The following CDH9 variants were observed in gnomAD, a reference collection of about 807,000 sequenced individuals.
CDH9 encodes the protein cadherin-9.
A neutral mutation model predicts 70.9 loss-of-function variants in CDH9; 28 were observed. The observed-to-expected ratio is 0.40, with a 90% confidence interval of 0.29 to 0.54. The LOEUF is 0.54. Ranked by LOEUF, CDH9 falls within the 20% of genes least tolerant of loss-of-function variation. The pLI, the probability that CDH9 is intolerant of heterozygous loss-of-function variation, is 0.59. For synonymous variants in CDH9, 409 were observed against 343.1 expected, an observed-to-expected ratio of 1.19 and a Z score of -2.12; for missense variants, 874 against 984.4, an observed-to-expected ratio of 0.89 and a Z score of 1.50.
chr5:27,006,727 A>G (rs1011886218), intron 1 of CDH9, among the ~76,000 whole-genome samples: 2 of 152,182 alleles, frequency 1.3e-5, no homozygotes, highest in Admixed American at 1.3e-4. Flanking sequence ...ATACCTTGAC[A>G]GAATTAGGGA....
At chr5:26,966,218 G>A (rs192212099) in intron 2 of CDH9, among the ~76,000 whole-genome samples, 27 of 152,270 alleles carry the variant, frequency 1.8e-4, no homozygotes, top group African/African-American at 6.5e-4. Context: ...GGGCAGCTCT[G>A]TAAAGCAATT....
chr5:26,886,183 C>T (rs1022264093), intron 9 of CDH9, 100 bp from the exon 10 acceptor site: 14 of 1,306,730 alleles, frequency 1.1e-5, no homozygotes, highest in Middle Eastern at 2.3e-4. Context: ...AAATACATCA[C>T]GAAAACAAAG....
Position 26,885,985 on chromosome 5 carries a change from G to T in CDH9, c.1611C>A (p.Phe537Leu). The change falls in exon 10 of 12, where the codon TTC becomes TTA. Residue 537 changes from phenylalanine to leucine, a missense_variant. Coordinates refer to ENST00000231021, the MANE Select transcript of CDH9 (RefSeq NM_016279.4). ...TTATACCTTTATTATCTACAATGGT[G>T]AAATTCGGATTGAGAGTAAATTCTG... ...PVPEFTLNPN[F>L]TIVDNKDNTA... 1 of 1,610,304 alleles carries T rather than the reference G, an allele frequency of 6.2e-7. No homozygotes were observed. Among genetic ancestry groups the T allele is most frequent in the Non-Finnish European group, 8.5e-7 (1 of 1,178,584 alleles).
intron 2 of CDH9, among the ~76,000 whole-genome samples, chr5:26,956,621 T>C (rs1451152166): frequency 1.3e-5 from 2 of 152,134 alleles, no homozygotes; most frequent in Non-Finnish European, 2.9e-5. Flanking sequence ...CTCTGGTGTG[T>C]CTGTATTAGC....
chr5:26,934,952 C>A (rs1741533478), intron 2 of CDH9, among the ~76,000 whole-genome samples: 1 of 150,648 alleles, frequency 6.6e-6, no homozygotes, highest in South Asian at 2.1e-4. Context: ...AAAACACAGA[C>A]CAGTGTCTCT....
At chr5:26,956,629 A>G (rs1741951118) in intron 2 of CDH9, among the ~76,000 whole-genome samples, 1 of 152,118 alleles carries the variant, frequency 6.6e-6, no homozygotes, top group South Asian at 2.1e-4. Flanking sequence ...TGTCTGTATT[A>G]GCCCCCTGCC....
intron 2 of CDH9, among the ~76,000 whole-genome samples, chr5:26,963,849 A>T (rs1407842044): frequency 1.3e-5 from 2 of 152,130 alleles, no homozygotes; most frequent in East Asian, 3.9e-4. Context: ...CTTTAATTGG[A>T]ATGTATAGGT....
At chr5:27,021,653 A>T (rs535519643) in intron 1 of CDH9, among the ~76,000 whole-genome samples, 1 of 151,856 alleles carries the variant, frequency 6.6e-6, no homozygotes, top group African/African-American at 2.4e-5. Context: ...TGGCAAAGAG[A>T]TCCTGTATGC....
chr5:26,907,403 C>T (rs1217507261), intron 3 of CDH9, among the ~76,000 whole-genome samples: 1 of 152,054 alleles, frequency 6.6e-6, no homozygotes, highest in African/African-American at 2.4e-5. Flanking sequence ...CTATGCCTCT[C>T]TTTTAAATAT....
At chr5:26,988,436 A>G (rs1340392125) in intron 1 of CDH9, 54 bp from the exon 2 acceptor site, 1 of 1,432,168 alleles carries the variant, frequency 7.0e-7, no homozygotes, top group Admixed American at 2.3e-5. Flanking sequence ...TCACTTTCCC[A>G]CAACGTGTAA....
chr5:27,030,905 T>G (rs1743300252), intron 1 of CDH9, among the ~76,000 whole-genome samples: 1 of 151,898 alleles, frequency 6.6e-6, no homozygotes. Context: ...TTTGAATTTT[T>G]TTAGTGTATA....
chr5:27,004,359 A>G (rs187809214), intron 1 of CDH9, among the ~76,000 whole-genome samples: 13 of 152,222 alleles, frequency 8.5e-5, no homozygotes, highest in Admixed American at 6.6e-4. Context: ...AGACAATAAA[A>G]TTGAAGGGAC....
chr5:26,909,532 TTTTC>T (rs1171670411), intron 3 of CDH9, among the ~76,000 whole-genome samples: 1 of 149,532 alleles, frequency 6.7e-6, no homozygotes, highest in Non-Finnish European at 1.5e-5. Context: ...AGACCATTTT[TTTTC>T]TTTTTTTTTT....
intron 1 of CDH9, among the ~76,000 whole-genome samples, chr5:27,012,708 G>A (rs923896730): frequency 1.7e-4 from 26 of 151,990 alleles, no homozygotes; most frequent in African/African-American, 6.3e-4. Flanking sequence ...TGGTTTCAAA[G>A]TGTAAAAATG....
intron 2 of CDH9, among the ~76,000 whole-genome samples, chr5:26,982,902 G>T (rs1742423973): frequency 6.6e-6 from 1 of 151,876 alleles, no homozygotes; most frequent in African/African-American, 2.4e-5. Flanking sequence ...GGCAAGGCTG[G>T]TCTCAAACTC....
chr5:26,946,069 G>A (rs1266774205), intron 2 of CDH9, among the ~76,000 whole-genome samples: 1 of 152,080 alleles, frequency 6.6e-6, no homozygotes, highest in East Asian at 1.9e-4. Flanking sequence ...ATGAGTAATG[G>A]GATATGGCTT....
intron 5 of CDH9, 103 bp from the exon 6 acceptor site, chr5:26,903,927 G>C: frequency 4.9e-6 from 3 of 617,210 alleles, no homozygotes; most frequent in Non-Finnish European, 8.3e-6. Context: ...AATAGGGAGA[G>C]TTTTTATCAT....
intron 2 of CDH9, among the ~76,000 whole-genome samples, chr5:26,934,233 A>G (rs1486801892): frequency 1.3e-5 from 2 of 152,172 alleles, no homozygotes; most frequent in South Asian, 2.1e-4. Flanking sequence ...TAGGAGGCTG[A>G]GGCAGGCAGA....
At chr5:26,998,393 C>A (rs1279852101) in intron 1 of CDH9, among the ~76,000 whole-genome samples, 1 of 151,998 alleles carries the variant, frequency 6.6e-6, no homozygotes, top group East Asian at 1.9e-4. Flanking sequence ...GAATACTATG[C>A]AGCCATAAAA....
Sources: gnomAD v4.1 joint callset for allele counts (sites outside exome capture counted in the v4.1 genomes callset) on GRCh38, gnomAD v4.1.1 for gene constraint, MANE v1.5 for transcripts, NCBI Gene and HGNC (gene_info 2026-07-23, HGNC 2026-07-21) for gene names.